The following FAF1 variants were observed in gnomAD, a reference collection of about 807,000 sequenced individuals.
FAF1 encodes Fas associated factor 1, also known as FAS-associated factor 1.
In FAF1, 25 loss-of-function variants were observed where a neutral mutation model predicts 92.5. The ratio of observed to expected loss-of-function variants is 0.27; its 90% CI spans 0.20 to 0.38. The LOEUF is 0.38. FAF1 is among the 10% of genes least tolerant of loss of function. The pLI, the probability that FAF1 is intolerant of heterozygous loss-of-function variation, is 1.00. For synonymous variants in FAF1, 234 were observed against 273.2 expected (o/e 0.86, Z 1.42); for missense variants, 636 against 793.3 (o/e 0.80, Z 2.38).
chr1:50,941,058 G>A (rs1305959396), intron 1 of FAF1, among the ~76,000 whole-genome samples: 1 of 148,980 alleles, frequency 6.7e-6, no homozygotes. Flanking sequence ...TTAAGACACA[G>A]TCTCACTCTG....
At chr1:50,956,767 G>A (rs1645270343) in intron 1 of FAF1, among the ~76,000 whole-genome samples, 1 of 152,120 alleles carries the variant, frequency 6.6e-6, no homozygotes, top group Non-Finnish European at 1.5e-5. Flanking sequence ...TAACCAACAT[G>A]GAGAAACCCC....
At position 50,761,671 on chromosome 1, in the gene FAF1, T is replaced by G. The variant is rs565673000; in HGVS notation, c.368-16896A>C. ...TGCTAAAAACTCTCAATAAATTCGG[T>G]ATTGATGGGACGTATCTCAAAATAG... On this transcript the variant is annotated intron_variant, in intron 4 of 18. Coordinates refer to ENST00000396153, the MANE Select transcript of FAF1 (RefSeq NM_007051.3). Among the ~76,000 whole-genome samples, 27 of 152,346 alleles carry G rather than the reference T, an allele frequency of 1.8e-4. No individual in the cohort carries two copies. The South Asian group carries it at 4.4e-3, about 25-fold the overall frequency.
intron 13 of FAF1, among the ~76,000 whole-genome samples, chr1:50,540,258 C>A (rs2149040483): frequency 6.6e-6 from 1 of 152,264 alleles, no homozygotes; most frequent in South Asian, 2.1e-4. Context: ...AGGTGTGAGC[C>A]ACTGCACCCG....
At chr1:50,777,090 C>G (rs535731025) in intron 4 of FAF1, among the ~76,000 whole-genome samples, 1 of 151,658 alleles carries the variant, frequency 6.6e-6, no homozygotes, top group East Asian at 1.9e-4. Flanking sequence ...GAGACCCCAT[C>G]TACAAAAATG....
chr1:50,531,739 G>C (rs1557983827), intron 15 of FAF1, among the ~76,000 whole-genome samples: 1 of 152,066 alleles, frequency 6.6e-6, no homozygotes, highest in Non-Finnish European at 1.5e-5. Flanking sequence ...ATATACCCTG[G>C]TTAAAAATAG....
chr1:50,514,926 C>T (rs1382092881), intron 15 of FAF1, among the ~76,000 whole-genome samples: 1 of 152,136 alleles, frequency 6.6e-6, no homozygotes, highest in African/African-American at 2.4e-5. Flanking sequence ...TTTTCAAGAA[C>T]GATGCCTCAG....
At chr1:50,579,291 G>A (rs987150788) in intron 12 of FAF1, among the ~76,000 whole-genome samples, 1 of 151,950 alleles carries the variant, frequency 6.6e-6, no homozygotes, top group East Asian at 1.9e-4. Context: ...AATGTGTGAG[G>A]TATACATAGT....
At chr1:50,844,857 G>C (rs1032728904) in intron 2 of FAF1, among the ~76,000 whole-genome samples, 4 of 152,074 alleles carry the variant, frequency 2.6e-5, no homozygotes, top group Non-Finnish European at 4.4e-5. Context: ...AGGGTGCCCT[G>C]AGCAAGATAA....
intron 4 of FAF1, among the ~76,000 whole-genome samples, chr1:50,775,777 C>T (rs1557521736): frequency 6.6e-6 from 1 of 152,044 alleles, no homozygotes; most frequent in Non-Finnish European, 1.5e-5. Flanking sequence ...AGGAGAGATT[C>T]AGTCATAATG....
chr1:50,847,888 T>C lies in FAF1; in HGVS notation c.114+10041A>G, dbSNP rs185390488. 5.3e-3 allele frequency among the ~76,000 whole-genome samples: 799 copies of C among 149,698 alleles called. 2 individuals carry two copies. Among genetic ancestry groups the C allele is most frequent in the Admixed American group, 8.2e-3 (124 of 15,052 alleles). ...AAACACACAAACAAATGCACACATATACACACACACACACACACCCCTCTA... is the reference window on the plus strand; with the variant it reads ...AAACACACAAACAAATGCACACATACACACACACACACACACACCCCTCTA... On this transcript the variant is annotated intron_variant, in intron 2 of 18. Coordinates refer to ENST00000396153, the MANE Select transcript of FAF1 (RefSeq NM_007051.3).
Position 50,788,094 on chromosome 1 carries a change from C to T in FAF1, c.273G>A (p.Arg91=), listed in dbSNP as rs1453672655. 1 of 1,614,054 alleles carries T rather than the reference C, an allele frequency of 6.2e-7. No individual in the cohort carries two copies. Among genetic ancestry groups the T allele is most frequent in the East Asian group, 2.2e-5 (1 of 44,870 alleles). The part of the protein sequence containing the change: ...SSAFRPVMPS[R]QIVERQPRML... Reference sequence around the variant, plus strand: ...TCCGAGGTTGCCTTTCTACAATCTGCCTGGATGGCATTACAGGTCGAAACG... The same window carrying T: ...TCCGAGGTTGCCTTTCTACAATCTGTCTGGATGGCATTACAGGTCGAAACG... Residue 91 remains arginine, a synonymous_variant, in exon 4 of 19, where the codon AGG becomes AGA. Transcript: ENST00000396153.
chr1:50,522,795 G>A (rs1252140047), intron 15 of FAF1, among the ~76,000 whole-genome samples: 1 of 152,030 alleles, frequency 6.6e-6, no homozygotes, highest in Non-Finnish European at 1.5e-5. Context: ...AGTATTTTAA[G>A]TATACAATTT....
intron 1 of FAF1, among the ~76,000 whole-genome samples, chr1:50,923,793 G>A (rs533453640): frequency 2.0e-5 from 3 of 152,172 alleles, no homozygotes; most frequent in Admixed American, 6.5e-5. Flanking sequence ...AATAAATACA[G>A]TACATCAAAA....
intron 2 of FAF1, among the ~76,000 whole-genome samples, chr1:50,845,497 C>T (rs1423210188): frequency 6.6e-6 from 1 of 152,066 alleles, no homozygotes; most frequent in Admixed American, 6.6e-5. Flanking sequence ...GCAAATTGCC[C>T]ACCACCATGT....
intron 4 of FAF1, among the ~76,000 whole-genome samples, chr1:50,775,759 A>G (rs1239925481): frequency 6.6e-6 from 1 of 151,092 alleles, no homozygotes; most frequent in African/African-American, 2.4e-5. Context: ...AAGGGGGACG[A>G]AAAAAAAAGG....
At chr1:50,763,376 T>C (rs1320546365) in intron 4 of FAF1, among the ~76,000 whole-genome samples, 2 of 152,176 alleles carry the variant, frequency 1.3e-5, no homozygotes, top group Non-Finnish European at 2.9e-5. Flanking sequence ...AATTTGATAA[T>C]GATGTGCCTT....
intron 2 of FAF1, among the ~76,000 whole-genome samples, chr1:50,805,854 T>C (rs1030447454): frequency 3.9e-5 from 6 of 152,198 alleles, no homozygotes; most frequent in African/African-American, 1.4e-4. Context: ...CAGCTAACAC[T>C]GTACCATTTT....
chr1:50,819,752 C>CAT (rs1170496723), intron 2 of FAF1, among the ~76,000 whole-genome samples: 4 of 20,626 alleles, frequency 1.9e-4, no homozygotes, highest in Non-Finnish European at 3.0e-4. Flanking sequence ...TATATATATA[C>CAT]ATATATATAT....
At chr1:50,699,595 A>G (rs1296788669) in intron 7 of FAF1, among the ~76,000 whole-genome samples, 1 of 152,166 alleles carries the variant, frequency 6.6e-6, no homozygotes, top group Non-Finnish European at 1.5e-5. Flanking sequence ...AATAACAGCA[A>G]TATATTTTTA....
Sources: gnomAD v4.1 joint callset for allele counts (sites outside exome capture counted in the v4.1 genomes callset) on GRCh38, gnomAD v4.1.1 for gene constraint, MANE v1.5 for transcripts, NCBI Gene and HGNC (gene_info 2026-07-23, HGNC 2026-07-21) for gene names.